The following SDC1 variants were observed in gnomAD, a reference collection of about 807,000 sequenced individuals.
SDC1 encodes the protein syndecan 1, also known as syndecan-1.
SDC1 carries 14 observed loss-of-function variants against 29.7 expected under a neutral mutation model. The observed-to-expected ratio is 0.47, with a 90% CI of 0.31 to 0.74. SDC1 has a LOEUF of 0.74. Ranked by LOEUF, SDC1 falls within the 30% of genes least tolerant of loss-of-function variation. The pLI is 0.05. For synonymous variants in SDC1, 204 were observed against 175.5 expected, an observed-to-expected ratio of 1.16 and a Z score of -1.29; for missense variants, 406 against 400.3, an observed-to-expected ratio of 1.01 and a Z score of -0.12.
chr2:20,217,063 G>A (rs1329364358), intron 1 of SDC1, among the ~76,000 whole-genome samples: 2 of 152,144 alleles, frequency 1.3e-5, no homozygotes, highest in East Asian at 1.9e-4. Flanking sequence ...GAGACCCCCT[G>A]CCCTGACACT....
At chr2:20,211,600 C>T (rs982711534) in intron 1 of SDC1, among the ~76,000 whole-genome samples, 3 of 152,234 alleles carry the variant, frequency 2.0e-5, no homozygotes, top group African/African-American at 7.2e-5. Context: ...GGGGCTGAGC[C>T]CACTGGCTTC....
At chr2:20,206,300 C>CA (rs1486134863) in intron 1 of SDC1, among the ~76,000 whole-genome samples, 1 of 152,208 alleles carries the variant, frequency 6.6e-6, no homozygotes, top group African/African-American at 2.4e-5. Flanking sequence ...CTCCAAGAGG[C>CA]AAAGGGGCCA....
rs554580517 is a variant in SDC1 at position 20,202,583 on chromosome 2, G to A, written c.*183C>T. 1.9e-4 allele frequency: 126 copies of A among 654,672 alleles called. 1 individual carries two copies. The African/African-American group carries it at 2.0e-3, about 11-fold the overall frequency. The allele number at this position is 654,672 out of a possible 1,614,324, so 40.6% of individuals were successfully genotyped here. A position where few individuals can be genotyped will look rare whatever the true frequency, so the allele number is the denominator to read the frequency against. On this transcript the variant is annotated 3_prime_UTR_variant, in exon 5 of 5. Transcript: ENST00000254351. The stretch of plus-strand genomic sequence containing the variant: ...TGGTGCCCTAAGTCTCCAGGCAGAA[G>A]TCAGAGAAGCAGAGTGGAGCTCCCA...
intron 1 of SDC1, among the ~76,000 whole-genome samples, chr2:20,212,224 A>G (rs1677488045): frequency 6.6e-6 from 1 of 152,160 alleles, no homozygotes; most frequent in South Asian, 2.1e-4. Context: ...AGGGAAAATG[A>G]CCAGGTCCAA....
At chr2:20,223,411 G>A (rs1469089847) in intron 1 of SDC1, 1 of 570,838 alleles carries the variant, frequency 1.8e-6, no homozygotes, top group Non-Finnish European at 2.9e-6. Flanking sequence ...TGCCCACCCC[G>A]CCCCCGCCCC....
At chr2:20,220,695 G>T (rs1260303463) in intron 1 of SDC1, among the ~76,000 whole-genome samples, 1 of 152,210 alleles carries the variant, frequency 6.6e-6, no homozygotes, top group Non-Finnish European at 1.5e-5. Context: ...TACAGATGAG[G>T]ACAACAAGAC....
chr2:20,221,707 T>C (rs942459106), intron 1 of SDC1, among the ~76,000 whole-genome samples: 2 of 152,222 alleles, frequency 1.3e-5, no homozygotes, highest in Non-Finnish European at 2.9e-5. Flanking sequence ...TCTAAAAAAC[T>C]GCAGAAGTCA....
At chr2:20,213,279 C>T (rs754266734) in intron 1 of SDC1, among the ~76,000 whole-genome samples, 1 of 152,212 alleles carries the variant, frequency 6.6e-6, no homozygotes, top group African/African-American at 2.4e-5. Flanking sequence ...GCTTTCCCCC[C>T]CTGGCAAAAC....
intron 1 of SDC1, among the ~76,000 whole-genome samples, chr2:20,206,223 G>A (rs977050992): frequency 1.3e-5 from 2 of 152,244 alleles, no homozygotes; most frequent in African/African-American, 2.4e-5. Context: ...TCCAAGAAGT[G>A]GGCTGTGGGC....
chr2:20,214,601 G>A (rs748844906), intron 1 of SDC1, among the ~76,000 whole-genome samples: 5 of 152,168 alleles, frequency 3.3e-5, no homozygotes, highest in Admixed American at 6.5e-5. Flanking sequence ...CTCTGCACAC[G>A]GTGGGTGTTG....
intron 1 of SDC1, among the ~76,000 whole-genome samples, chr2:20,211,759 G>T (rs78186557): frequency 6.6e-6 from 1 of 152,244 alleles, no homozygotes; most frequent in African/African-American, 2.4e-5. Flanking sequence ...GTACCAGTGG[G>T]AGGGCACGGG....
Position 20,211,900 on chromosome 2 carries a change from C to T in SDC1, c.67-6476G>A, listed in dbSNP as rs114694794. The stretch of plus-strand genomic sequence containing the variant: ...CCTTTCCTTCAGCCTGGACTGAAAA[C>T]GGCCTAAGCACTGAGCAGGCAGGTC... On this transcript the variant is annotated intron_variant, in intron 1 of 4. Transcript: ENST00000254351. 4.6e-3 allele frequency among the ~76,000 whole-genome samples: 706 copies of T among 152,324 alleles called. 5 individuals carry two copies. The highest frequency in any genetic ancestry group is 0.016 in the African/African-American group (653 of 41,574).
intron 1 of SDC1, among the ~76,000 whole-genome samples, chr2:20,211,007 C>T (rs1677448997): frequency 6.6e-6 from 1 of 152,216 alleles, no homozygotes; most frequent in East Asian, 1.9e-4. Flanking sequence ...CTCCCCTCCC[C>T]TAGACTTCAG....
rs1459806963 is a variant in SDC1 at position 20,203,157 on chromosome 2, G to A, written c.693C>T (p.Asn231=). 3.1e-6 allele frequency: 5 copies of A among 1,613,102 alleles called. No homozygotes were observed. Among genetic ancestry groups the A allele is most frequent in the Non-Finnish European group, 3.4e-6 (4 of 1,179,670 alleles). The change falls in exon 4 of 5, where the codon AAC becomes AAT. Residue 231 remains asparagine, a synonymous_variant. Coordinates refer to ENST00000254351, the MANE Select transcript of SDC1 (RefSeq NM_002997.5). The stretch of plus-strand genomic sequence containing the variant: ...TGGCCCCCTGATCCACTGGGGACTG[G>A]TTCCGGCGGTCAGGCTCCACGGCCA... ...AVVAVEPDRR[N]QSPVDQGATG...
At chr2:20,212,852 C>T (rs1013613553) in intron 1 of SDC1, among the ~76,000 whole-genome samples, 12 of 152,052 alleles carry the variant, frequency 7.9e-5, no homozygotes, top group Non-Finnish European at 5.9e-5. Context: ...TGGAGACGGA[C>T]CCCTCACTGT....
At position 20,203,628 on chromosome 2, in the gene SDC1, C is replaced by T. The variant is rs145520350; in HGVS notation, c.627+185G>A. On this transcript the variant is annotated intron_variant, in intron 3 of 4. Transcript: ENST00000254351. ...GGTGATCTTTAAGGGTGCTTCTGCT[C>T]TGATCTCATAGTTAGTCTGTCCTGC... Among the ~76,000 whole-genome samples, 111 of 152,314 alleles carry T rather than the reference C, an allele frequency of 7.3e-4. 1 individual carries two copies. The highest frequency in any genetic ancestry group is 2.5e-3 in the African/African-American group (103 of 41,580).
chr2:20,212,378 C>A (rs996462009), intron 1 of SDC1, among the ~76,000 whole-genome samples: 2 of 152,156 alleles, frequency 1.3e-5, no homozygotes, highest in East Asian at 3.9e-4. Flanking sequence ...CAGGGCAGGG[C>A]CACAGGCCAG....
At position 20,224,180 on chromosome 2, in the gene SDC1, G is replaced by C. The variant is rs1205525175; in HGVS notation, c.66+622C>G. The C allele has an allele frequency of 2.3e-6, 1 of 426,506 alleles. No homozygotes were observed. The highest frequency in any genetic ancestry group is 4.7e-6 in the Non-Finnish European group (1 of 213,940). 26.4% of individuals were successfully genotyped at this position (426,506 alleles called of 1,614,324 possible). ...CCCGGAACCTCCCGCTGCCGGGCCG[G>C]CTCAGCTCACCTCGAGCCGCCCACG... On this transcript the variant is annotated intron_variant, in intron 1 of 4. Coordinates refer to ENST00000254351, the MANE Select transcript of SDC1 (RefSeq NM_002997.5). The surrounding 1 kb of genome is among the most constrained non-coding windows in gnomAD (Gnocchi z 4.9).
At chr2:20,210,998 T>C (rs1019558197) in intron 1 of SDC1, among the ~76,000 whole-genome samples, 1 of 152,102 alleles carries the variant, frequency 6.6e-6, no homozygotes, top group Non-Finnish European at 1.5e-5. Flanking sequence ...AGGCTGACTC[T>C]CCCCTCCCCT....
Sources: allele counts gnomAD v4.1 joint callset (sites outside exome capture counted in the v4.1 genomes callset), GRCh38; gene constraint gnomAD v4.1.1; non-coding constraint Gnocchi (gnomAD v3.1); transcripts MANE v1.5; gene names NCBI Gene and HGNC (gene_info 2026-07-23, HGNC 2026-07-21).